MLF1: variants seen among roughly 807,000 people sequenced by gnomAD.
MLF1 encodes myelodysplasia-myeloid leukemia factor 1.
In MLF1, 37 loss-of-function variants were observed where a neutral mutation model predicts 38.3. The observed-to-expected ratio is 0.96, with a 90% CI of 0.74 to 1.27. The LOEUF is 1.27. Among genes scored for constraint, MLF1 ranks in the 50% most tolerant of loss-of-function variants. The pLI is 0.00. For synonymous variants in MLF1, 95 were observed against 106.5 expected, an observed-to-expected ratio of 0.89 and a Z score of 0.66; for missense variants, 331 against 349.2, an observed-to-expected ratio of 0.95 and a Z score of 0.42.
intron 6 of MLF1, among the ~76,000 whole-genome samples, chr3:158,600,979 TTTA>T (rs1303999743): frequency 2.6e-5 from 4 of 151,444 alleles, no homozygotes; most frequent in Non-Finnish European, 5.9e-5. Flanking sequence ...TTAAATTATT[TTTA>T]TTAATTTTTA....
At chr3:158,587,590 T>C (rs1038164177) in intron 1 of MLF1, among the ~76,000 whole-genome samples, 4 of 152,242 alleles carry the variant, frequency 2.6e-5, no homozygotes, top group African/African-American at 9.6e-5. Flanking sequence ...CACTCCCTGG[T>C]ATTCATGCCT....
intron 1 of MLF1, among the ~76,000 whole-genome samples, chr3:158,584,977 GC>G (rs1717008950): frequency 6.9e-6 from 1 of 144,542 alleles, no homozygotes; most frequent in Admixed American, 7.1e-5. Context: ...GTTTAAGGTT[GC>G]AGTGAGCCAA....
At chr3:158,581,021 C>T (rs1391419612) in intron 1 of MLF1, among the ~76,000 whole-genome samples, 5 of 152,092 alleles carry the variant, frequency 3.3e-5, no homozygotes, top group Admixed American at 3.3e-4. Flanking sequence ...ACTGAACAAC[C>T]TGAGAAAACA....
chr3:158,582,315 GAA>G (rs111461599), intron 1 of MLF1, among the ~76,000 whole-genome samples: 6 of 149,498 alleles, frequency 4.0e-5, no homozygotes, highest in African/African-American at 7.4e-5. Flanking sequence ...AAAAAGACTG[GAA>G]AAAAAAAACC....
chr3:158,588,612 A>G (rs868211920), intron 1 of MLF1, among the ~76,000 whole-genome samples: 1 of 131,054 alleles, frequency 7.6e-6, no homozygotes, highest in Non-Finnish European at 1.7e-5. Flanking sequence ...AAAAAAAAAA[A>G]AAAAAAAAAA....
In MLF1 at chr3:158,576,011, T is replaced by C. The variant is rs2108552716; in HGVS notation, c.47+4664T>C. On this transcript the variant is annotated intron_variant, in intron 1 of 7. Coordinates refer to ENST00000466246, the MANE Select transcript of MLF1 (RefSeq NM_001369783.1). ...CTGATAAGGTGCTGTGGTTAAATTGTTAATTGCTTAAAATATTTAAGTAAA... is the reference window on the plus strand; with the variant it reads ...CTGATAAGGTGCTGTGGTTAAATTGCTAATTGCTTAAAATATTTAAGTAAA... 1.3e-5 allele frequency among the ~76,000 whole-genome samples: 2 copies of C among 152,332 alleles called. 1 individual carries two copies. Among genetic ancestry groups the C allele is most frequent in the Middle Eastern group, 6.8e-3 (2 of 294 alleles).
chr3:158,603,058 T>TCACAAAAGATAC, intron 7 of MLF1, 119 bp downstream of exon 7: 2 of 796,822 alleles, frequency 2.5e-6, no homozygotes, highest in Non-Finnish European at 3.8e-6. Context: ...ACAGTATCTT[T>TCACAAAAGATAC]TGTGAAAGAT....
At chr3:158,572,644 G>A (rs1714690463) in intron 1 of MLF1, among the ~76,000 whole-genome samples, 1 of 133,000 alleles carries the variant, frequency 7.5e-6, no homozygotes, top group African/African-American at 2.9e-5. Context: ...TGGGACGAGG[G>A]AGGGTTGGGG....
Position 158,602,789 on chromosome 3 carries a change from T to G in MLF1, c.614-18T>G. ...GATACCTTAATACTTATTCCCATTA[T>G]TTTTCTGTTTGACATAGGTGATGCT... On this transcript the variant is annotated intron_variant, in intron 6 of 7. Coordinates refer to ENST00000466246, the MANE Select transcript of MLF1 (RefSeq NM_001369783.1). 1.2e-6 allele frequency: 2 copies of G among 1,611,384 alleles called. No individual in the cohort carries two copies. Among genetic ancestry groups the G allele is most frequent in the Non-Finnish European group, 1.7e-6 (2 of 1,178,802 alleles).
chr3:158,597,022 T>G, intron 4 of MLF1, 77 bp downstream of exon 4: 2 of 838,424 alleles, frequency 2.4e-6, no homozygotes, highest in Non-Finnish European at 3.8e-6. Flanking sequence ...TTTCAAACAC[T>G]TTTTTAACCA....
intron 1 of MLF1, among the ~76,000 whole-genome samples, chr3:158,576,538 A>T (rs944268113): frequency 6.6e-6 from 1 of 152,198 alleles, no homozygotes; most frequent in Admixed American, 6.5e-5. Flanking sequence ...ACGAAACAGG[A>T]ACTGTGAATC....
At position 158,606,088 on chromosome 3, in the gene MLF1, A is replaced by C. The variant is rs576373534; in HGVS notation, c.*886A>C. 4 of 181,310 alleles carry C rather than the reference A, an allele frequency of 2.2e-5. No individual in the cohort carries two copies. In the South Asian group the frequency reaches 5.9e-4, roughly 27 times the overall value. 11.2% of individuals were successfully genotyped at this position (181,310 alleles called of 1,614,324 possible). A position where few individuals can be genotyped will look rare whatever the true frequency, so the allele number is the denominator to read the frequency against. On this transcript the variant is annotated 3_prime_UTR_variant, in exon 8 of 8. Transcript: ENST00000466246. Reference sequence around the variant, plus strand: ...TACATTGTCTCAAAATCTGTTAGACAGCTGATGGGTGTTTTTGAGCAACGT... The same window carrying C: ...TACATTGTCTCAAAATCTGTTAGACCGCTGATGGGTGTTTTTGAGCAACGT...
At chr3:158,601,894 G>A (rs1238166234) in intron 6 of MLF1, among the ~76,000 whole-genome samples, 1 of 135,852 alleles carries the variant, frequency 7.4e-6, no homozygotes. Flanking sequence ...TCGGCTCACT[G>A]CAAGCTCCGC....
At chr3:158,574,719 A>G (rs1000569767) in intron 1 of MLF1, among the ~76,000 whole-genome samples, 2 of 151,416 alleles carry the variant, frequency 1.3e-5, no homozygotes, top group African/African-American at 4.9e-5. Context: ...TTAGCCAGAG[A>G]ATATTATTTT....
intron 1 of MLF1, among the ~76,000 whole-genome samples, chr3:158,584,459 T>C (rs984798059): frequency 6.6e-6 from 1 of 152,190 alleles, no homozygotes; most frequent in Admixed American, 6.5e-5. Context: ...ATCCACAATG[T>C]ACAGATGTAA....
At chr3:158,582,889 A>G in intron 1 of MLF1, 2 of 691,144 alleles carry the variant, frequency 2.9e-6, no homozygotes. Context: ...AGAAACTCTG[A>G]TGTACATTAA....
intron 7 of MLF1, 56 bp downstream of exon 7, chr3:158,602,995 A>C: frequency 6.7e-7 from 1 of 1,497,626 alleles, no homozygotes; most frequent in South Asian, 1.2e-5. Context: ...AAGTAAAGTT[A>C]TGTAATTTAC....
chr3:158,589,632 T>TTTA (rs1717831079), intron 1 of MLF1, among the ~76,000 whole-genome samples: 1 of 152,260 alleles, frequency 6.6e-6, no homozygotes, highest in East Asian at 1.9e-4. Flanking sequence ...GACTTTTGTA[T>TTTA]ATTTTAAAAT....
At chr3:158,591,241 C>T (rs1194393655) in intron 1 of MLF1, 5 of 424,300 alleles carry the variant, frequency 1.2e-5, no homozygotes, top group African/African-American at 2.1e-5. Flanking sequence ...CTCACTGCAA[C>T]TTCTGCCTCC....
Sources: gnomAD v4.1 joint callset for allele counts (sites outside exome capture counted in the v4.1 genomes callset) on GRCh38, gnomAD v4.1.1 for gene constraint, MANE v1.5 for transcripts, NCBI Gene and HGNC (gene_info 2026-07-23, HGNC 2026-07-21) for gene names.